Variants in TCF4 observed in about 807,000 individuals in gnomAD.
The protein encoded by TCF4 is transcription factor 4, also known as SL3-3 enhancer factor 2.
In TCF4, 3 loss-of-function variants were observed where a neutral mutation model predicts 82.1. The ratio of observed to expected loss-of-function variants is 0.04; its 90% confidence interval spans 0.02 to 0.09. The LOEUF (loss-of-function observed/expected upper bound fraction) is 0.09, where lower values mean the gene tolerates loss of function less well. TCF4 is among the 10% of genes least tolerant of loss of function. TCF4 has a pLI of 1.00. For synonymous variants in TCF4, 276 were observed against 309.6 expected (o/e 0.89, Z 1.14); for missense variants, 518 against 852.7 (o/e 0.61, Z 4.89).
intron 3 of TCF4, among the ~76,000 whole-genome samples, chr18:55,522,838 T>G: frequency 6.6e-6 from 1 of 152,006 alleles, no homozygotes; most frequent in Non-Finnish European, 1.5e-5. Context: ...AAGAAAAAAC[T>G]TTAAAAACTG....
chr18:55,428,304 T>G (rs1325863942), intron 5 of TCF4, among the ~76,000 whole-genome samples: 1 of 152,234 alleles, frequency 6.6e-6, no homozygotes, highest in Admixed American at 6.5e-5. Context: ...ATTGAATGTC[T>G]TTAAATCTTG....
chr18:55,366,289 A>G (rs2087101746), intron 6 of TCF4, among the ~76,000 whole-genome samples: 1 of 152,214 alleles, frequency 6.6e-6, no homozygotes. Flanking sequence ...CAAAACCTGA[A>G]CTAATGTGAG....
rs145608172 is a variant in TCF4 at position 55,502,067 on chromosome 18, A to G, written c.146-37930T>C. Reference sequence around the variant, plus strand: ...TCTCATATGAATTTGCAATCCCCTAAGTGAAAAACACTAACCAAGGTAGAT... The same window carrying G: ...TCTCATATGAATTTGCAATCCCCTAGGTGAAAAACACTAACCAAGGTAGAT... On this transcript the variant is annotated intron_variant, in intron 3 of 19. Coordinates refer to ENST00000354452, the MANE Select transcript of TCF4 (RefSeq NM_001083962.2). Among the ~76,000 whole-genome samples, 585 of 152,340 alleles carry G rather than the reference A, an allele frequency of 3.8e-3. 5 individuals carry two copies. The highest frequency in any genetic ancestry group is 0.014 in the African/African-American group (563 of 41,574).
At chr18:55,310,931 G>A (rs534067216) in intron 8 of TCF4, among the ~76,000 whole-genome samples, 1 of 152,240 alleles carries the variant, frequency 6.6e-6, no homozygotes, top group African/African-American at 2.4e-5. Flanking sequence ...TAAAAGGTAA[G>A]ACAAATATAT....
chr18:55,352,939 GTCT>G (rs2082623811), intron 6 of TCF4, among the ~76,000 whole-genome samples: 2 of 152,102 alleles, frequency 1.3e-5, no homozygotes, highest in Admixed American at 6.6e-5. Flanking sequence ...CTACGAATGA[GTCT>G]TCATTTCATT....
chr18:55,259,074 C>T (rs147556009), intron 13 of TCF4, among the ~76,000 whole-genome samples: 2 of 152,278 alleles, frequency 1.3e-5, no homozygotes, highest in Non-Finnish European at 2.9e-5. Context: ...GTGAAACCTC[C>T]TGTCCTCGAC....
intron 8 of TCF4, chr18:55,302,606 C>G (rs1322574216): frequency 1.3e-6 from 2 of 1,527,440 alleles, no homozygotes; most frequent in Non-Finnish European, 1.8e-6. Flanking sequence ...GAGGGAACTT[C>G]ATGCTGGATA....
At chr18:55,464,222 T>A in intron 3 of TCF4, 85 bp from the exon 4 acceptor site, 1 of 1,198,104 alleles carries the variant, frequency 8.3e-7, no homozygotes, top group Non-Finnish European at 1.2e-6. Context: ...TGTTTCAAAT[T>A]AATCTCCTGT....
intron 15 of TCF4, among the ~76,000 whole-genome samples, chr18:55,235,672 G>C (rs2049143498): frequency 6.6e-6 from 1 of 152,206 alleles, no homozygotes. Context: ...TGTCAACTAA[G>C]AGGACAATCA....
intron 3 of TCF4, among the ~76,000 whole-genome samples, chr18:55,522,519 G>A (rs577878347): frequency 2.6e-5 from 4 of 152,280 alleles, no homozygotes; most frequent in African/African-American, 9.6e-5. Flanking sequence ...CAAAAGATTT[G>A]TGAAGAGATG....
chr18:55,468,881 G>GCCCGC, intron 3 of TCF4, among the ~76,000 whole-genome samples: 1 of 106,208 alleles, frequency 9.4e-6, no homozygotes, highest in East Asian at 3.4e-4. Flanking sequence ...TTTAGTTCTC[G>GCCCGC]CCCCCCCCCC....
chr18:55,302,470 T>C lies in TCF4; in HGVS notation c.550-22814A>G, dbSNP rs117175601. ...ATAGCCCTGTATCTGAGCATCTGCA[T>C]TGTTTAAATTTCATCCTGTGGTGTT... On this transcript the variant is annotated intron_variant, in intron 8 of 19. Coordinates refer to ENST00000354452, the MANE Select transcript of TCF4 (RefSeq NM_001083962.2). 2,748 of 1,536,162 alleles carry C rather than the reference T, an allele frequency of 1.8e-3. 32 individuals are homozygous for C. The highest frequency in any genetic ancestry group is 0.013 in the East Asian group (522 of 40,918).
At position 55,275,761 on chromosome 18, in the gene TCF4, G is replaced by A. The variant is rs199823984; in HGVS notation, c.656-9C>T. On this transcript the variant is annotated splice_polypyrimidine_tract_variant and intron_variant, in intron 9 of 19. Transcript: ENST00000354452. ...ACTGCTGTGATGGCCATCTGTAAAGGACAAAGACAACCATGACTTTCTGAG... is the reference window on the plus strand; with the variant it reads ...ACTGCTGTGATGGCCATCTGTAAAGAACAAAGACAACCATGACTTTCTGAG... The A allele has an allele frequency of 6.2e-7, 1 of 1,613,688 alleles. No homozygotes were observed. Among genetic ancestry groups the A allele is most frequent in the Non-Finnish European group, 8.5e-7 (1 of 1,179,666 alleles).
At chr18:55,456,406 A>C (rs2095755080) in intron 5 of TCF4, among the ~76,000 whole-genome samples, 1 of 152,322 alleles carries the variant, frequency 6.6e-6, no homozygotes, top group African/African-American at 2.4e-5. Flanking sequence ...TGAACCATTC[A>C]AAATGGGCCA....
chr18:55,462,469 T>C (rs1206234581), intron 4 of TCF4, among the ~76,000 whole-genome samples: 2 of 152,172 alleles, frequency 1.3e-5, no homozygotes, highest in Admixed American at 1.3e-4. Flanking sequence ...CTGCCACAAA[T>C]GATTTGTCTC....
chr18:55,339,274 G>A (rs958282955), intron 8 of TCF4, among the ~76,000 whole-genome samples: 1 of 152,164 alleles, frequency 6.6e-6, no homozygotes, highest in African/African-American at 2.4e-5. Context: ...ACTCTCATCA[G>A]AATCATAAAT....
At chr18:55,356,704 G>A (rs991197330) in intron 6 of TCF4, among the ~76,000 whole-genome samples, 8 of 152,126 alleles carry the variant, frequency 5.3e-5, no homozygotes, top group African/African-American at 9.7e-5. Flanking sequence ...TGCCACTTAC[G>A]AGGGTAATTA....
At chr18:55,451,237 G>C (rs1166087446) in intron 5 of TCF4, among the ~76,000 whole-genome samples, 1 of 152,174 alleles carries the variant, frequency 6.6e-6, no homozygotes, top group Non-Finnish European at 1.5e-5. Context: ...AGACGAAAAT[G>C]ACAGATGACC....
At chr18:55,301,841 T>A in intron 8 of TCF4, among the ~76,000 whole-genome samples, 1 of 146,052 alleles carries the variant, frequency 6.8e-6, no homozygotes, top group African/African-American at 2.6e-5. Context: ...GGGGGAGAGT[T>A]ATCAATTCCC....
Sources: allele counts gnomAD v4.1 joint callset (sites outside exome capture counted in the v4.1 genomes callset), GRCh38; gene constraint gnomAD v4.1.1; transcripts MANE v1.5; gene names NCBI Gene and HGNC (gene_info 2026-07-23, HGNC 2026-07-21).